The following ATE1 variants were observed in gnomAD, a reference collection of about 807,000 sequenced individuals.
The protein encoded by ATE1 is arginyltransferase 1, also known as arginyl-tRNA--protein transferase 1.
ATE1 carries 36 observed loss-of-function variants against 70.5 expected under a neutral mutation model. The ratio of observed to expected loss-of-function variants is 0.51; its 90% CI spans 0.39 to 0.67. The LOEUF (loss-of-function observed/expected upper bound fraction) is 0.67, where lower values mean the gene tolerates loss of function less well. ATE1 is among the 30% of genes least tolerant of loss of function. ATE1 has a pLI of 0.00. For missense variants in ATE1, 593 were observed against 629.5 expected, an observed-to-expected ratio of 0.94 and a Z score of 0.62; for synonymous variants, 232 against 219.3, an observed-to-expected ratio of 1.06 and a Z score of -0.51.
At chr10:121,833,394 T>G (rs1411295266) in intron 10 of ATE1, among the ~76,000 whole-genome samples, 1 of 152,180 alleles carries the variant, frequency 6.6e-6, no homozygotes, top group Admixed American at 6.5e-5. Context: ...AAATGTATAT[T>G]AAGCATTAAA....
intron 11 of ATE1, 54 bp downstream of exon 11, chr10:121,790,115 T>G: frequency 6.2e-7 from 1 of 1,608,732 alleles, no homozygotes. Flanking sequence ...CACACACACA[T>G]GGATCATAAA....
At chr10:121,755,219 G>A (rs967335465) in intron 11 of ATE1, among the ~76,000 whole-genome samples, 2 of 152,174 alleles carry the variant, frequency 1.3e-5, no homozygotes, top group Non-Finnish European at 2.9e-5. Context: ...TGTACAGGGT[G>A]TGTGGATTAG....
At chr10:121,883,668 C>CATAAT (rs1307252948) in intron 7 of ATE1, among the ~76,000 whole-genome samples, 1 of 152,162 alleles carries the variant, frequency 6.6e-6, no homozygotes, top group East Asian at 1.9e-4. Flanking sequence ...TATTAGAGTA[C>CATAAT]ATAATATCTC....
rs980525806 is a variant in ATE1 at position 121,775,010 on chromosome 10, G to T, written c.1378+15159C>A. Among the ~76,000 whole-genome samples, 8 of 152,166 alleles carry T rather than the reference G, an allele frequency of 5.3e-5. No homozygotes were observed. In the South Asian group the frequency reaches 1.2e-3, roughly 24 times the overall value. ...CTTTCTCAAAAGGCAGACACATGTG[G>T]AGAAACCAGACACTTGGCAGACAGA... On this transcript the variant is annotated intron_variant, in intron 11 of 11. Transcript: ENST00000224652.
intron 11 of ATE1, among the ~76,000 whole-genome samples, chr10:121,779,590 C>G (rs900931202): frequency 1.1e-4 from 16 of 151,430 alleles, no homozygotes; most frequent in Non-Finnish European, 2.2e-4. Flanking sequence ...ATGCTACATT[C>G]CTTCTCACAG....
At chr10:121,894,717 G>A (rs1021535734) in intron 7 of ATE1, among the ~76,000 whole-genome samples, 16 of 151,956 alleles carry the variant, frequency 1.1e-4, no homozygotes, top group African/African-American at 3.4e-4. Flanking sequence ...TGGCTAACAC[G>A]GTGAAACCCC....
At chr10:121,908,835 T>G (rs1170958481) in intron 5 of ATE1, among the ~76,000 whole-genome samples, 1 of 152,194 alleles carries the variant, frequency 6.6e-6, no homozygotes, top group Non-Finnish European at 1.5e-5. Flanking sequence ...TAGAATCTGA[T>G]CAAGGCTCTA....
At chr10:121,767,469 C>G (rs1945323523) in intron 11 of ATE1, among the ~76,000 whole-genome samples, 1 of 144,642 alleles carries the variant, frequency 6.9e-6, no homozygotes, top group Non-Finnish European at 1.5e-5. Flanking sequence ...TTGCAGATGA[C>G]ATGATATTCT....
rs1945240703 is a variant in ATE1 at position 121,765,459 on chromosome 10, C to T, written c.1379-21601G>A. ...CTAACATTCAGAATATACTGCAGAA[C>T]AATTAGACTGTGCGAGTGGGGCCTA... On this transcript the variant is annotated intron_variant, in intron 11 of 11. Transcript: ENST00000224652. 2.6e-5 allele frequency among the ~76,000 whole-genome samples: 4 copies of T among 152,260 alleles called. No homozygotes were observed. The South Asian group carries it at 6.2e-4, about 24-fold the overall frequency.
chr10:121,819,188 G>A (rs997710342), intron 10 of ATE1, among the ~76,000 whole-genome samples: 2 of 152,198 alleles, frequency 1.3e-5, no homozygotes, highest in Non-Finnish European at 2.9e-5. Flanking sequence ...TTAAGGATAA[G>A]AATGTGATCA....
At chr10:121,885,297 C>T (rs1443679419) in intron 7 of ATE1, among the ~76,000 whole-genome samples, 7 of 143,312 alleles carry the variant, frequency 4.9e-5, no homozygotes, top group Non-Finnish European at 9.0e-5. Flanking sequence ...AGGCCGGGCG[C>T]GGTGGCTCAC....
intron 8 of ATE1, among the ~76,000 whole-genome samples, chr10:121,862,620 T>C (rs182841281): frequency 5.6e-5 from 8 of 141,758 alleles, no homozygotes; most frequent in African/African-American, 1.8e-4. Context: ...GTGATCTACC[T>C]GTCTCAACCT....
intron 11 of ATE1, among the ~76,000 whole-genome samples, chr10:121,782,924 T>C (rs910136994): frequency 6.6e-6 from 1 of 152,218 alleles, no homozygotes; most frequent in Non-Finnish European, 1.5e-5. Context: ...GAATTTGGAC[T>C]GGCTCTCCTT....
At chr10:121,926,791 C>T in intron 1 of ATE1, 1 of 985,404 alleles carries the variant, frequency 1.0e-6, no homozygotes, top group Non-Finnish European at 1.2e-6. Flanking sequence ...GTAATCATGT[C>T]GCATAAGCCA....
intron 8 of ATE1, among the ~76,000 whole-genome samples, chr10:121,851,090 CAAAAAAAAAAA>C (rs10603053): frequency 8.3e-4 from 36 of 43,214 alleles, no homozygotes; most frequent in Admixed American, 4.5e-3. Flanking sequence ...GACTCCATCT[CAAAAAAAAAAA>C]AAAAAAAAAA....
At chr10:121,888,133 G>A (rs772247751) in intron 7 of ATE1, among the ~76,000 whole-genome samples, 4 of 152,150 alleles carry the variant, frequency 2.6e-5, no homozygotes, top group Non-Finnish European at 4.4e-5. Flanking sequence ...AGTGGCTCAC[G>A]CCTGTAATCC....
chr10:121,806,444 C>T (rs999478485), intron 10 of ATE1, among the ~76,000 whole-genome samples: 1 of 152,066 alleles, frequency 6.6e-6, no homozygotes, highest in Non-Finnish European at 1.5e-5. Context: ...CCGAGTGAGA[C>T]CCTGACTCCC....
intron 11 of ATE1, among the ~76,000 whole-genome samples, chr10:121,787,693 A>G (rs1398566095): frequency 6.6e-6 from 1 of 152,230 alleles, no homozygotes; most frequent in East Asian, 1.9e-4. Flanking sequence ...AGAACATACA[A>G]TATATTCATC....
At chr10:121,918,021 T>C (rs1951727881) in intron 3 of ATE1, among the ~76,000 whole-genome samples, 1 of 152,016 alleles carries the variant, frequency 6.6e-6, no homozygotes, top group South Asian at 2.1e-4. Flanking sequence ...GAAGAGTAAA[T>C]ATGGAAAATG....
Sources: gnomAD v4.1 joint callset for allele counts (sites outside exome capture counted in the v4.1 genomes callset) on GRCh38, gnomAD v4.1.1 for gene constraint, MANE v1.5 for transcripts, NCBI Gene and HGNC (gene_info 2026-07-23, HGNC 2026-07-21) for gene names.